CNTNAP5: variants seen among roughly 807,000 people sequenced by gnomAD.
CNTNAP5 encodes the protein contactin associated protein family member 5.
A neutral mutation model predicts 150.2 loss-of-function variants in CNTNAP5; 72 were observed. That is an observed-to-expected ratio of 0.48 (90% CI 0.40 to 0.58). The LOEUF is 0.58. Ranked by LOEUF, CNTNAP5 falls within the 20% of genes least tolerant of loss-of-function variation. CNTNAP5 has a pLI of 0.00. For missense variants in CNTNAP5, 1,636 were observed against 1,626.2 expected (o/e 1.01, Z -0.10); for synonymous variants, 672 against 619.8 (o/e 1.08, Z -1.25).
intron 19 of CNTNAP5, among the ~76,000 whole-genome samples, chr2:124,856,123 TAAAG>T (rs1677368690): frequency 1.3e-5 from 2 of 150,908 alleles, no homozygotes; most frequent in African/African-American, 4.9e-5. Flanking sequence ...TATAAAAAAA[TAAAG>T]AAATTGTGTG....
chr2:124,871,498 G>T (rs1033949163), intron 21 of CNTNAP5, among the ~76,000 whole-genome samples: 1 of 152,074 alleles, frequency 6.6e-6, no homozygotes, highest in Non-Finnish European at 1.5e-5. Context: ...ATGCCAGCTT[G>T]AAATCAGCTG....
chr2:124,060,304 T>C (rs1173784300), intron 1 of CNTNAP5, among the ~76,000 whole-genome samples: 1 of 152,204 alleles, frequency 6.6e-6, no homozygotes, highest in Non-Finnish European at 1.5e-5. Flanking sequence ...AGTGAGTTTG[T>C]TTTACTGCAC....
chr2:124,305,881 A>G (rs1253744280), intron 3 of CNTNAP5, among the ~76,000 whole-genome samples: 1 of 152,216 alleles, frequency 6.6e-6, no homozygotes, highest in African/African-American at 2.4e-5. Context: ...GCAATACACA[A>G]TGGAAGAAGA....
intron 10 of CNTNAP5, among the ~76,000 whole-genome samples, chr2:124,557,052 G>T (rs922750488): frequency 6.6e-6 from 1 of 151,816 alleles, no homozygotes; most frequent in African/African-American, 2.4e-5. Context: ...CATGCATAAG[G>T]GTTCTGCTTC....
rs1237917188 is a variant in CNTNAP5 at position 124,261,164 on chromosome 2, G to T, written c.381+18771G>T. 2.0e-5 allele frequency among the ~76,000 whole-genome samples: 3 copies of T among 152,072 alleles called. No homozygotes were observed. The East Asian group carries it at 5.8e-4, about 29-fold the overall frequency. On this transcript the variant is annotated intron_variant, in intron 3 of 23. Coordinates refer to ENST00000682447, the MANE Select transcript of CNTNAP5 (RefSeq NM_001367498.1). ...TCAATGATAGCCCACATAAATGAAG[G>T]CCATGTTCATCTGCTAATTCAGTGA... is the stretch of plus-strand genomic sequence containing the variant.
At chr2:124,857,098 T>C (rs1026126761) in intron 19 of CNTNAP5, among the ~76,000 whole-genome samples, 12 of 152,032 alleles carry the variant, frequency 7.9e-5, no homozygotes, top group African/African-American at 2.9e-4. Flanking sequence ...ACCAAGGCAT[T>C]GTGTTGGCCA....
intron 19 of CNTNAP5, among the ~76,000 whole-genome samples, chr2:124,844,756 T>G (rs1683013691): frequency 6.6e-6 from 1 of 152,072 alleles, no homozygotes; most frequent in South Asian, 2.1e-4. Context: ...GAGATTTTGA[T>G]TTGATTTTCA....
rs183993750 is a variant in CNTNAP5 at position 124,479,346 on chromosome 2, T to C, written c.1062+4464T>C. On this transcript the variant is annotated intron_variant, in intron 7 of 23. Coordinates refer to ENST00000682447, the MANE Select transcript of CNTNAP5 (RefSeq NM_001367498.1). ...TTTTTTGAGCTGTCCTTTCTGAGTC[T>C]TCTATCTCTTCTCCCAGAGGCAAGG... Among the ~76,000 whole-genome samples, 194 of 152,316 alleles carry C rather than the reference T, an allele frequency of 1.3e-3. 1 individual carries two copies. Among genetic ancestry groups the C allele is most frequent in the African/African-American group, 4.5e-3 (188 of 41,576 alleles).
At chr2:124,311,467 C>T (rs78296478) in intron 3 of CNTNAP5, among the ~76,000 whole-genome samples, 6 of 151,946 alleles carry the variant, frequency 3.9e-5, no homozygotes, top group Non-Finnish European at 5.9e-5. Context: ...GGGGAGAAAG[C>T]GAGAAAGAAG....
intron 3 of CNTNAP5, among the ~76,000 whole-genome samples, chr2:124,321,548 T>C (rs1689100185): frequency 6.6e-6 from 1 of 152,192 alleles, no homozygotes; most frequent in Non-Finnish European, 1.5e-5. Flanking sequence ...AATTCCACTA[T>C]GAATTTTTTT....
chr2:124,405,084 A>C (rs1691536760), intron 3 of CNTNAP5, among the ~76,000 whole-genome samples: 1 of 152,144 alleles, frequency 6.6e-6, no homozygotes, highest in Non-Finnish European at 1.5e-5. Context: ...CAAATTTCTG[A>C]GAACTAGTGC....
At chr2:124,610,072 G>A (rs1005275860) in intron 12 of CNTNAP5, among the ~76,000 whole-genome samples, 152 bp downstream of exon 12, 6 of 152,190 alleles carry the variant, frequency 3.9e-5, no homozygotes, top group African/African-American at 1.4e-4. Flanking sequence ...GGTGAGTAAT[G>A]CAAATTTGCA....
At chr2:124,629,936 CAAAAA>C (rs70996084) in intron 12 of CNTNAP5, among the ~76,000 whole-genome samples, 1 of 67,772 alleles carries the variant, frequency 1.5e-5, no homozygotes, top group Middle Eastern at 0.01. Context: ...CACCTCTATG[CAAAAA>C]AAAAAAAAAA....
At chr2:124,291,680 T>A (rs1688297891) in intron 3 of CNTNAP5, among the ~76,000 whole-genome samples, 1 of 152,202 alleles carries the variant, frequency 6.6e-6, no homozygotes, top group Non-Finnish European at 1.5e-5. Context: ...TTAGAACTTC[T>A]GTTTTGTATG....
intron 3 of CNTNAP5, among the ~76,000 whole-genome samples, chr2:124,365,656 C>T (rs1690353718): frequency 6.6e-6 from 1 of 152,172 alleles, no homozygotes; most frequent in African/African-American, 2.4e-5. Flanking sequence ...AGCTTTACTA[C>T]CTCTTATAAA....
chr2:124,399,923 C>G (rs1242483876), intron 3 of CNTNAP5, among the ~76,000 whole-genome samples: 4 of 152,138 alleles, frequency 2.6e-5, no homozygotes, highest in Non-Finnish European at 5.9e-5. Flanking sequence ...AGAAGGAGCT[C>G]TAAACTATAA....
chr2:124,345,528 A>T (rs970516201), intron 3 of CNTNAP5, among the ~76,000 whole-genome samples: 2 of 152,214 alleles, frequency 1.3e-5, no homozygotes, highest in African/African-American at 4.8e-5. Flanking sequence ...AATGGAAAGA[A>T]GTGCTTATGA....
intron 8 of CNTNAP5, among the ~76,000 whole-genome samples, chr2:124,518,427 A>G (rs1694779095): frequency 6.6e-6 from 1 of 152,230 alleles, no homozygotes; most frequent in South Asian, 2.1e-4. Context: ...ACAAAATAAC[A>G]GAACTAAAGT....
intron 1 of CNTNAP5, among the ~76,000 whole-genome samples, chr2:124,137,142 A>G (rs1683991860): frequency 6.6e-6 from 1 of 151,808 alleles, no homozygotes; most frequent in Non-Finnish European, 1.5e-5. Flanking sequence ...TTCTATCACC[A>G]CCTCGTACTG....
Sources: allele counts gnomAD v4.1 joint callset (sites outside exome capture counted in the v4.1 genomes callset), GRCh38; gene constraint gnomAD v4.1.1; transcripts MANE v1.5; gene names NCBI Gene and HGNC (gene_info 2026-07-23, HGNC 2026-07-21).